CSMD1: variants seen among roughly 807,000 people sequenced by gnomAD.
The protein encoded by CSMD1 is CUB and sushi domain-containing protein 1.
Under a neutral mutation model 417.5 loss-of-function variants are expected in CSMD1, and 213 were observed. The ratio of observed to expected loss-of-function variants is 0.51; its 90% CI spans 0.46 to 0.57. The LOEUF (loss-of-function observed/expected upper bound fraction) is 0.57, where lower values mean the gene tolerates loss of function less well. Ranked by LOEUF, CSMD1 falls within the 20% of genes least tolerant of loss-of-function variation. CSMD1 has a pLI of 0.00. For synonymous variants in CSMD1, 2,862 were observed against 1,736.8 expected, an observed-to-expected ratio of 1.65 and a Z score of -16.11; for missense variants, 6,923 against 4,529.7, an observed-to-expected ratio of 1.53 and a Z score of -15.17.
chr8:4,828,718 T>G (rs539492996), intron 1 of CSMD1, among the ~76,000 whole-genome samples: 2 of 152,292 alleles, frequency 1.3e-5, no homozygotes, highest in East Asian at 3.9e-4. Flanking sequence ...CTTAAAATCC[T>G]AACGCTACTA....
At chr8:3,126,063 T>A (rs1350273964) in intron 41 of CSMD1, among the ~76,000 whole-genome samples, 2 of 152,198 alleles carry the variant, frequency 1.3e-5, no homozygotes, top group African/African-American at 2.4e-5. Context: ...GAAGTAGTTT[T>A]GCAAAATAGG....
intron 2 of CSMD1, among the ~76,000 whole-genome samples, chr8:4,591,450 G>C (rs571071372): frequency 6.6e-6 from 1 of 152,320 alleles, no homozygotes; most frequent in South Asian, 2.1e-4. Flanking sequence ...AAGCTGTTGA[G>C]CAAAAGCAAA....
Position 3,308,508 on chromosome 8 carries a change from A to G in CSMD1, c.3632-5T>C. 3 of 1,606,166 alleles carry G rather than the reference A, an allele frequency of 1.9e-6. No homozygotes were observed. Among genetic ancestry groups the G allele is most frequent in the Non-Finnish European group, 2.6e-6 (3 of 1,174,228 alleles). On this transcript the variant is annotated splice_region_variant and splice_polypyrimidine_tract_variant and intron_variant, in intron 23 of 69. Transcript: ENST00000635120. ...CACATTTTACCAGATCAAAACCTGC[A>G]AGAGAGAAAGGCAAGGAATGAACAG...
chr8:3,947,420 T>A (rs1312247804), intron 5 of CSMD1, among the ~76,000 whole-genome samples: 4 of 152,202 alleles, frequency 2.6e-5, no homozygotes, highest in Non-Finnish European at 5.9e-5. Context: ...AATCACTGGA[T>A]CTTATTTCAC....
intron 2 of CSMD1, among the ~76,000 whole-genome samples, chr8:4,487,404 G>C (rs543467620): frequency 1.3e-5 from 2 of 152,206 alleles, no homozygotes; most frequent in East Asian, 1.9e-4. Context: ...CTATGAGTGA[G>C]AACATGCAGT....
chr8:4,191,902 G>A (rs1285372407), intron 3 of CSMD1, among the ~76,000 whole-genome samples: 2 of 152,148 alleles, frequency 1.3e-5, no homozygotes, highest in East Asian at 3.9e-4. Flanking sequence ...CAAAGATGAG[G>A]AAAGAAAGTG....
At chr8:4,026,398 A>G (rs764082476) in intron 4 of CSMD1, among the ~76,000 whole-genome samples, 1 of 152,250 alleles carries the variant, frequency 6.6e-6, no homozygotes, top group Non-Finnish European at 1.5e-5. Context: ...GGGATTTACC[A>G]CATGGGTGGC....
chr8:4,308,239 T>C (rs576500552), intron 3 of CSMD1, among the ~76,000 whole-genome samples: 8 of 151,966 alleles, frequency 5.3e-5, no homozygotes, highest in African/African-American at 1.7e-4. Flanking sequence ...TGCAGTCATG[T>C]ATAGTTTTTT....
chr8:4,447,710 T>TA (rs1247250078), intron 2 of CSMD1, among the ~76,000 whole-genome samples: 2 of 152,200 alleles, frequency 1.3e-5, no homozygotes, highest in Admixed American at 1.3e-4. Context: ...CACTCATAGT[T>TA]AATAAAACCA....
At chr8:4,481,006 A>G (rs1373483826) in intron 2 of CSMD1, among the ~76,000 whole-genome samples, 1 of 152,190 alleles carries the variant, frequency 6.6e-6, no homozygotes, top group Non-Finnish European at 1.5e-5. Context: ...CCTTCACAAT[A>G]AAACAGCTAT....
chr8:3,213,069 C>A (rs896213359), intron 30 of CSMD1, among the ~76,000 whole-genome samples: 22 of 151,998 alleles, frequency 1.4e-4, no homozygotes, highest in Non-Finnish European at 1.5e-5. Flanking sequence ...TCAGGTGATC[C>A]ACCCACGTCA....
chr8:3,308,732 G>GTTTTTTTTTTTTTT (rs5888961), intron 23 of CSMD1, among the ~76,000 whole-genome samples: 7 of 108,954 alleles, frequency 6.4e-5, no homozygotes, highest in South Asian at 7.4e-4. Context: ...CTACTTACAA[G>GTTTTTTTTTTTTTT]TTTTTTTTTT....
intron 25 of CSMD1, among the ~76,000 whole-genome samples, chr8:3,290,117 G>T (rs2117271026): frequency 6.8e-6 from 1 of 146,850 alleles, no homozygotes; most frequent in East Asian, 2.0e-4. Flanking sequence ...TGTCAGGTTT[G>T]TCAAAGATCA....
At chr8:4,583,807 C>A (rs113722108) in intron 2 of CSMD1, among the ~76,000 whole-genome samples, 4,927 of 152,118 alleles carry the variant, frequency 0.032, 132 homozygotes, top group Middle Eastern at 0.13. Context: ...AAGCAGGCTG[C>A]CCCAGCCAGC....
intron 3 of CSMD1, among the ~76,000 whole-genome samples, chr8:4,377,599 C>T (rs1802837904): frequency 1.3e-5 from 2 of 152,212 alleles, no homozygotes; most frequent in East Asian, 1.9e-4. Flanking sequence ...TTCTCAAAGC[C>T]TCAATTTTAT....
chr8:3,990,223 T>C (rs1181209024), intron 5 of CSMD1, among the ~76,000 whole-genome samples: 1 of 152,222 alleles, frequency 6.6e-6, no homozygotes, highest in Non-Finnish European at 1.5e-5. Context: ...TATTTCATAG[T>C]TGATGAAATA....
chr8:4,397,523 C>CTTTTTTTTTT (rs57745028), intron 3 of CSMD1, among the ~76,000 whole-genome samples: 4 of 59,958 alleles, frequency 6.7e-5, no homozygotes, highest in African/African-American at 1.8e-4. Flanking sequence ...GCCTGAGACT[C>CTTTTTTTTTT]TTTTTTTTTT....
At chr8:3,787,705 G>C (rs144489762) in intron 5 of CSMD1, among the ~76,000 whole-genome samples, 299 of 152,256 alleles carry the variant, frequency 2.0e-3, no homozygotes, top group Middle Eastern at 0.01. Context: ...CACACAACTA[G>C]AAATTTACAT....
intron 12 of CSMD1, among the ~76,000 whole-genome samples, chr8:3,412,156 G>T (rs1211486225): frequency 9.7e-6 from 1 of 102,608 alleles, no homozygotes; most frequent in Non-Finnish European, 1.9e-5. Context: ...ATATACACAC[G>T]TATATATACA....
Sources: allele counts gnomAD v4.1 joint callset (sites outside exome capture counted in the v4.1 genomes callset), GRCh38; gene constraint gnomAD v4.1.1; transcripts MANE v1.5; gene names NCBI Gene and HGNC (gene_info 2026-07-23, HGNC 2026-07-21).